Variants in PCDHA7 observed in about 807,000 individuals in gnomAD.
The protein encoded by PCDHA7 is protocadherin alpha-7.
Under a neutral mutation model 57.2 loss-of-function variants are expected in PCDHA7, and 37 were observed. The observed-to-expected ratio is 0.65, with a 90% CI of 0.50 to 0.85. PCDHA7 has a LOEUF of 0.85. PCDHA7 is among the 40% of genes least tolerant of loss of function. The probability of loss-of-function intolerance (pLI) is 0.00; values close to 1 mark genes in which losing one functional copy is unlikely to be tolerated. For missense variants in PCDHA7, 1,188 were observed against 1,241.8 expected, an observed-to-expected ratio of 0.96 and a Z score of 0.65; for synonymous variants, 553 against 558.8, an observed-to-expected ratio of 0.99 and a Z score of 0.15.
chr5:140,985,572 C>G (rs2097158307), intron 3 of PCDHA7, among the ~76,000 whole-genome samples: 1 of 152,142 alleles, frequency 6.6e-6, no homozygotes, highest in Non-Finnish European at 1.5e-5. Context: ...CTTTCTGGTG[C>G]CTAAGCCTCC....
intron 1 of PCDHA7, among the ~76,000 whole-genome samples, chr5:140,837,439 T>C (rs1775044466): frequency 6.6e-6 from 1 of 151,980 alleles, no homozygotes; most frequent in African/African-American, 2.4e-5. Flanking sequence ...TGAAATCTAG[T>C]ACGTAGTAAA....
chr5:140,965,168 T>C (rs1484687706), intron 1 of PCDHA7, among the ~76,000 whole-genome samples: 1 of 152,180 alleles, frequency 6.6e-6, no homozygotes, highest in Non-Finnish European at 1.5e-5. Context: ...GACGTTTTAG[T>C]GAGTGCTTTT....
chr5:140,863,307 C>T (rs782595794), intron 1 of PCDHA7: 9 of 1,462,494 alleles, frequency 6.2e-6, no homozygotes, highest in Non-Finnish European at 6.5e-6. Context: ...TCGCCATCTG[C>T]GTGGTGTCCA....
At chr5:140,948,793 A>AT (rs1351130459) in intron 1 of PCDHA7, among the ~76,000 whole-genome samples, 1 of 150,328 alleles carries the variant, frequency 6.7e-6, no homozygotes, top group Non-Finnish European at 1.5e-5. Flanking sequence ...TTGTTGATAT[A>AT]TTTTCTATTG....
intron 1 of PCDHA7, chr5:140,851,337 C>T (rs2042031356): frequency 2.0e-6 from 2 of 978,912 alleles, no homozygotes; most frequent in African/African-American, 1.7e-5. Flanking sequence ...TAGTTCTCTA[C>T]ATTTCTCTGG....
rs144694616 is a variant in PCDHA7, at chr5:140,836,586, G to T, written c.2203G>T (p.Val735Leu). ...GTCCTCTGAGGGCGCATGTAGTTTG[G>T]TAAAGCCCACTCTGGTGTGCTCCAG... ...APSSEGACSL[V>L]KPTLVCSSAV... The change falls in exon 1 of 4, where the codon GTA (valine) becomes TTA (leucine). Residue 735 changes from valine (V) to leucine (L), a missense_variant. Coordinates refer to ENST00000525929, the MANE Select transcript of PCDHA7 (RefSeq NM_018910.3). The T allele has an allele frequency of 5.6e-6, 9 of 1,613,634 alleles. No homozygotes were observed. The Admixed American group carries it at 1.3e-4, about 24-fold the overall frequency.
rs782304851 is a variant in PCDHA7 at position 140,856,941 on chromosome 5, C to T, written c.2355+20203C>T. ...AGGAAATTTTGGATAAACGAAAGGA[C>T]GGGAGAAATAAAAGTAAATGATGCT... On this transcript the variant is annotated intron_variant, in intron 1 of 3. Coordinates refer to ENST00000525929, the MANE Select transcript of PCDHA7 (RefSeq NM_018910.3). The T allele has an allele frequency of 1.9e-6, 3 of 1,592,588 alleles. No homozygotes were observed. Among genetic ancestry groups the T allele is most frequent in the Admixed American group, 3.4e-5 (2 of 59,186 alleles).
chr5:140,968,951 A>G, intron 1 of PCDHA7: 4 of 1,614,228 alleles, frequency 2.5e-6, no homozygotes, highest in Non-Finnish European at 3.4e-6. Context: ...TTTGAGCATC[A>G]TCAAGTGCTA....
At chr5:140,881,523 C>T in intron 1 of PCDHA7, 1 of 194,568 alleles carries the variant, frequency 5.1e-6, no homozygotes, top group Non-Finnish European at 9.4e-6. Context: ...AAATCCCACA[C>T]ATATTGACTG....
intron 1 of PCDHA7, among the ~76,000 whole-genome samples, chr5:140,855,207 A>G (rs1554147686): frequency 6.7e-6 from 1 of 149,928 alleles, no homozygotes; most frequent in East Asian, 1.9e-4. Flanking sequence ...AATAGTTTCC[A>G]TTTATGAAGC....
chr5:140,901,356 T>C (rs1554189806), intron 1 of PCDHA7, among the ~76,000 whole-genome samples: 1 of 152,232 alleles, frequency 6.6e-6, no homozygotes, highest in Non-Finnish European at 1.5e-5. Context: ...GTCTTAGATT[T>C]AAGTCTTTAA....
intron 1 of PCDHA7, chr5:140,867,238 T>C (rs2049839993): frequency 1.3e-5 from 2 of 152,118 alleles, no homozygotes; most frequent in African/African-American, 4.8e-5. Context: ...AATAAGGTGA[T>C]TGAGGATCTG....
chr5:140,971,032 G>A (rs540815935), intron 1 of PCDHA7, among the ~76,000 whole-genome samples: 4 of 152,302 alleles, frequency 2.6e-5, no homozygotes, highest in African/African-American at 7.2e-5. Context: ...GCATTTGAAA[G>A]CACGTAAAAG....
At chr5:140,870,161 CCTT>C in intron 1 of PCDHA7, 2 of 1,614,124 alleles carry the variant, frequency 1.2e-6, no homozygotes, top group Non-Finnish European at 1.7e-6. Flanking sequence ...GCCGTGACTT[CCTT>C]GTCCCTCCCA....
intron 1 of PCDHA7, chr5:140,856,708 A>G: frequency 6.3e-7 from 1 of 1,596,690 alleles, no homozygotes; most frequent in South Asian, 1.1e-5. Context: ...GCAAACCTGA[A>G]TTTACCGGAT....
chr5:140,836,345 C>CG lies in PCDHA7; in HGVS notation c.1966dup (p.Glu656GlyfsTer74), dbSNP rs1388004217. On this transcript the variant is annotated frameshift_variant, in exon 1 of 4. Coordinates refer to ENST00000525929, the MANE Select transcript of PCDHA7 (RefSeq NM_018910.3). LOFTEE classifies it high-confidence loss of function. ...GCCTTCTGGTGCTTGTGAAGGACCACGGGGAGCCCTCGCTGACAGCCACAG... is the reference window on the plus strand; with the variant it reads ...GCCTTCTGGTGCTTGTGAAGGACCACGGGGGAGCCCTCGCTGACAGCCACAG... The CG allele has an allele frequency of 8.1e-6, 13 of 1,613,572 alleles. No homozygotes were observed. The highest frequency in any genetic ancestry group is 9.3e-6 in the Non-Finnish European group (11 of 1,179,834).
chr5:140,929,992 C>T (rs1015837723), intron 1 of PCDHA7: 7 of 152,300 alleles, frequency 4.6e-5, no homozygotes, highest in East Asian at 1.9e-4. Flanking sequence ...TTGGGAATGA[C>T]ACCCTAAAAC....
At chr5:140,868,018 A>C (rs987390119) in intron 1 of PCDHA7, 14 of 152,136 alleles carry the variant, frequency 9.2e-5, no homozygotes, top group African/African-American at 3.1e-4. Context: ...GATTAAGGAA[A>C]CCAATGTTGG....
At chr5:140,978,800 TATC>T (rs1193658453) in intron 1 of PCDHA7, 146 bp from the exon 2 acceptor site, 56 of 1,480,550 alleles carry the variant, frequency 3.8e-5, no homozygotes, top group Admixed American at 1.1e-4. Context: ...TATATGTAGA[TATC>T]ATCATAGAGT....
Sources: allele counts gnomAD v4.1 joint callset (sites outside exome capture counted in the v4.1 genomes callset), GRCh38; gene constraint gnomAD v4.1.1; transcripts MANE v1.5; gene names NCBI Gene and HGNC (gene_info 2026-07-23, HGNC 2026-07-21).